IQGAP1: variants seen among roughly 807,000 people sequenced by gnomAD.
IQGAP1 encodes the protein ras GTPase-activating-like protein IQGAP1.
Under a neutral mutation model 215.6 loss-of-function variants are expected in IQGAP1, and 66 were observed. The ratio of observed to expected loss-of-function variants is 0.31; its 90% CI spans 0.25 to 0.38. IQGAP1 has a LOEUF of 0.38. IQGAP1 is among the 10% of genes least tolerant of loss of function. The pLI is 1.00. For missense variants in IQGAP1, 1,712 were observed against 1,997.1 expected (o/e 0.86, Z 2.72); for synonymous variants, 772 against 728.7 (o/e 1.06, Z -0.96).
intron 26 of IQGAP1, 131 bp from the exon 27 acceptor site, chr15:90,481,829 C>A: frequency 1.1e-6 from 1 of 913,564 alleles, no homozygotes; most frequent in Non-Finnish European, 1.6e-6. Flanking sequence ...TATCACTTAC[C>A]AGCCCCGTGA....
chr15:90,449,254 G>A (rs765218728), intron 10 of IQGAP1, among the ~76,000 whole-genome samples: 4 of 152,008 alleles, frequency 2.6e-5, no homozygotes, highest in Non-Finnish European at 5.9e-5. Context: ...TCCAGCGTAC[G>A]TTGGTCAAAG....
chr15:90,425,477 T>G (rs1160791573), intron 2 of IQGAP1, among the ~76,000 whole-genome samples: 1 of 152,186 alleles, frequency 6.6e-6, no homozygotes, highest in Non-Finnish European at 1.5e-5. Context: ...AGTTTTCTTT[T>G]TTTCTTTGTT....
At chr15:90,440,473 A>G in intron 6 of IQGAP1, 29 bp from the exon 7 acceptor site, 1 of 1,465,034 alleles carries the variant, frequency 6.8e-7, no homozygotes, top group East Asian at 2.4e-5. Flanking sequence ...GCTTAGCTTG[A>G]TTGACTGATT....
intron 2 of IQGAP1, among the ~76,000 whole-genome samples, chr15:90,424,731 C>T (rs1196485547): frequency 6.6e-6 from 1 of 151,680 alleles, no homozygotes; most frequent in Non-Finnish European, 1.5e-5. Flanking sequence ...CCCAGCAACT[C>T]GGGAGGCTGA....
In IQGAP1 at chr15:90,477,777, G is replaced by A. The variant is rs1352080841; in HGVS notation, c.3217G>A (p.Ala1073Thr). 2.5e-6 allele frequency: 4 copies of A among 1,613,826 alleles called. No homozygotes were observed. Among genetic ancestry groups the A allele is most frequent in the Non-Finnish European group, 3.4e-6 (4 of 1,179,844 alleles). Residue 1073 changes from alanine to threonine, a missense_variant, in exon 26 of 38, where the codon GCC becomes ACC. By Grantham distance (58) the Ala-to-Thr change is moderately conservative (BLOSUM62 0). Coordinates refer to ENST00000268182, the MANE Select transcript of IQGAP1 (RefSeq NM_003870.4). ...CCAGAATGCCCTGAGACAGATCTTGGCCCCAGTCGTGAAGGAAATTATGGA... is the reference window on the plus strand; with the variant it reads ...CCAGAATGCCCTGAGACAGATCTTGACCCCAGTCGTGAAGGAAATTATGGA... ...RGQNALRQIL[A>T]PVVKEIMDDK...
chr15:90,389,842 A>G (rs1264214562), intron 1 of IQGAP1, among the ~76,000 whole-genome samples: 1 of 151,478 alleles, frequency 6.6e-6, no homozygotes, highest in African/African-American at 2.4e-5. Context: ...CTGTGGTCCC[A>G]GCTGCTTGGG....
intron 35 of IQGAP1, among the ~76,000 whole-genome samples, chr15:90,493,088 T>G (rs548626487): frequency 1.3e-5 from 2 of 151,972 alleles, no homozygotes; most frequent in Admixed American, 1.3e-4. Flanking sequence ...ACTAAAAATA[T>G]ACAAATTAGC....
At chr15:90,440,350 G>A (rs1345827970) in intron 6 of IQGAP1, 152 bp from the exon 7 acceptor site, 7 of 577,452 alleles carry the variant, frequency 1.2e-5, no homozygotes, top group Admixed American at 3.2e-5. Flanking sequence ...ACTGTGTTAA[G>A]TGCTTTCCAT....
chr15:90,393,533 T>G (rs1449955933), intron 2 of IQGAP1: 1 of 152,194 alleles, frequency 6.6e-6, no homozygotes, highest in African/African-American at 2.4e-5. Context: ...GAGGGCCGAC[T>G]GTATTTTAAA....
chr15:90,466,142 G>A (rs1344959355), intron 16 of IQGAP1, 51 bp downstream of exon 16: 1 of 1,588,836 alleles, frequency 6.3e-7, no homozygotes, highest in Non-Finnish European at 8.6e-7. Flanking sequence ...GGGTGACAAG[G>A]TGCTCCGTAC....
intron 18 of IQGAP1, among the ~76,000 whole-genome samples, chr15:90,470,372 C>G (rs920842643): frequency 1.6e-4 from 25 of 152,136 alleles, no homozygotes; most frequent in Non-Finnish European, 2.6e-4. Context: ...CAGTGCTTGT[C>G]AGGATTTAAT....
chr15:90,477,094 AT>A lies in IQGAP1; in HGVS notation c.2973del (p.Gln992ArgfsTer14). ...CAATCCCACCTATCTGGCCAAGCTC[AT>A]TTTTCAGATGCCCCAGAACAAGTCC... The part of the protein sequence containing the change: ...QTNPTYLAKL[I>X]FQMPQNKSTK... On this transcript the variant is annotated frameshift_variant, in exon 25 of 38. Coordinates refer to ENST00000268182, the MANE Select transcript of IQGAP1 (RefSeq NM_003870.4). LOFTEE classifies it high-confidence loss of function. 6.2e-7 allele frequency: 1 copy of A among 1,613,708 alleles called. No individual in the cohort carries two copies.
rs1966325026 is a variant in IQGAP1, at chr15:90,500,253, TCC to T, written c.*146_*147del. ...ACACTCCCGATGCCACATTTTTAAC[TCC>T]TCTCGCTCTGATGGGACATTTGTTA... On this transcript the variant is annotated 3_prime_UTR_variant, in exon 38 of 38. Transcript: ENST00000268182. 1.7e-6 allele frequency: 1 copy of T among 580,606 alleles called. No homozygotes were observed. Among genetic ancestry groups the T allele is most frequent in the East Asian group, 2.8e-5 (1 of 35,866 alleles). 36.0% of individuals were successfully genotyped at this position (580,606 alleles called of 1,614,324 possible).
intron 31 of IQGAP1, 29 bp downstream of exon 31, chr15:90,486,161 C>T (rs770764566): frequency 6.6e-7 from 1 of 1,507,564 alleles, no homozygotes; most frequent in African/African-American, 1.4e-5. Context: ...CCTGGAAGAT[C>T]AAAAGGGAAT....
chr15:90,466,215 T>G, intron 16 of IQGAP1, 54 bp from the exon 17 acceptor site: 1 of 1,591,002 alleles, frequency 6.3e-7, no homozygotes, highest in East Asian at 2.2e-5. Flanking sequence ...TGAAGCAGTA[T>G]GTGAATTTAG....
At chr15:90,476,334 C>T (rs1323226897) in intron 23 of IQGAP1, among the ~76,000 whole-genome samples, 1 of 152,066 alleles carries the variant, frequency 6.6e-6, no homozygotes, top group Non-Finnish European at 1.5e-5. Flanking sequence ...GTTTTCCAAG[C>T]GTTTATTATA....
intron 18 of IQGAP1, among the ~76,000 whole-genome samples, chr15:90,472,252 A>G (rs566778042): frequency 3.9e-5 from 6 of 152,206 alleles, no homozygotes; most frequent in Non-Finnish European, 8.8e-5. Flanking sequence ...TCCAGCCTGG[A>G]TGACAGAATG....
Position 90,441,709 on chromosome 15 carries a change from C to G in IQGAP1, c.828+25C>G, listed in dbSNP as rs759506274. The G allele has an allele frequency of 1.9e-5, 29 of 1,508,820 alleles. 1 individual carries two copies. Among genetic ancestry groups the G allele is most frequent in the Non-Finnish European group, 2.5e-5 (27 of 1,098,882 alleles). The allele number at this position is 1,508,820 out of a possible 1,614,324, so 93.5% of individuals were successfully genotyped here. ...GGTAAAAATGCAACATCTATTCTTT[C>G]TAATTAATTTATATTATTCCGTCAT... is the stretch of plus-strand genomic sequence containing the variant. On this transcript the variant is annotated intron_variant, in intron 8 of 37. Coordinates refer to ENST00000268182, the MANE Select transcript of IQGAP1 (RefSeq NM_003870.4).
intron 2 of IQGAP1, among the ~76,000 whole-genome samples, chr15:90,422,634 A>ATATATGTATATATATATG (rs1965158521): frequency 2.2e-5 from 2 of 90,152 alleles, no homozygotes; most frequent in South Asian, 5.4e-4. Flanking sequence ...ATGTATATAT[A>ATATATGTATATATATATG]TATATGTATA....
Sources: gnomAD v4.1 joint callset for allele counts (sites outside exome capture counted in the v4.1 genomes callset) on GRCh38, gnomAD v4.1.1 for gene constraint, MANE v1.5 for transcripts, NCBI Gene and HGNC (gene_info 2026-07-23, HGNC 2026-07-21) for gene names.